The following PTPRN2 variants were observed in gnomAD, a reference collection of about 807,000 sequenced individuals.
PTPRN2 encodes the protein protein tyrosine phosphatase receptor type N2.
PTPRN2 carries 74 observed loss-of-function variants against 118.8 expected under a neutral mutation model. The ratio of observed to expected loss-of-function variants is 0.62; its 90% CI spans 0.52 to 0.76. PTPRN2 has a LOEUF of 0.76. Among genes scored for constraint, PTPRN2 ranks in the 30% least tolerant of loss-of-function variants. The probability of loss-of-function intolerance (pLI) is 0.00; values close to 1 mark genes in which losing one functional copy is unlikely to be tolerated. For missense variants in PTPRN2, 1,481 were observed against 1,394.4 expected (o/e 1.06, Z -0.99); for synonymous variants, 641 against 608.0 (o/e 1.05, Z -0.80).
At chr7:158,059,285 A>G (rs1355867733) in intron 11 of PTPRN2, among the ~76,000 whole-genome samples, 132 of 123,320 alleles carry the variant, frequency 1.1e-3, no homozygotes, top group South Asian at 3.8e-3. Flanking sequence ...ATCTGCACAC[A>G]GTGACACATC....
intron 9 of PTPRN2, among the ~76,000 whole-genome samples, chr7:158,130,701 AACAC>A (rs60270393): frequency 6.8e-6 from 1 of 147,988 alleles, no homozygotes; most frequent in East Asian, 2.0e-4. Context: ...ACATCTACCC[AACAC>A]ACACTCATAT....
chr7:158,211,428 C>T (rs1827594981), intron 3 of PTPRN2, among the ~76,000 whole-genome samples: 1 of 152,102 alleles, frequency 6.6e-6, no homozygotes, highest in Non-Finnish European at 1.5e-5. Context: ...GAGATACCCA[C>T]AGAATAGGAG....
At chr7:158,577,153 G>A (rs1828376226) in intron 1 of PTPRN2, among the ~76,000 whole-genome samples, 2 of 127,116 alleles carry the variant, frequency 1.6e-5, no homozygotes, top group African/African-American at 6.4e-5. Flanking sequence ...GACAGCATGG[G>A]GCCTGCACAA....
intron 5 of PTPRN2, among the ~76,000 whole-genome samples, chr7:158,189,824 C>T (rs891178627): frequency 6.6e-6 from 1 of 152,248 alleles, no homozygotes; most frequent in African/African-American, 2.4e-5. Flanking sequence ...CACAGCCCTT[C>T]TGATAAAGAC....
At chr7:158,164,603 A>T (rs62480770) in intron 6 of PTPRN2, among the ~76,000 whole-genome samples, 3,138 of 152,118 alleles carry the variant, frequency 0.021, 44 homozygotes, top group Middle Eastern at 0.044. Flanking sequence ...CTGTGAGCTC[A>T]CCCTCACCCG....
In PTPRN2 at chr7:158,526,480, G is replaced by A. The variant is rs914162115; in HGVS notation, c.113-36695C>T. On this transcript the variant is annotated intron_variant, in intron 1 of 22. Transcript: ENST00000389418. The surrounding 1 kb of genome is among the most constrained non-coding windows in gnomAD (Gnocchi z 5.2). ...CCGCTGGTCACGGCCTCGGAATTCC[G>A]ACATGCTGGACTGTGGCTTGGGAAA... Among the ~76,000 whole-genome samples the A allele has an allele frequency of 1.3e-5, 2 of 152,068 alleles. No homozygotes were observed. Among genetic ancestry groups the A allele is most frequent in the Non-Finnish European group, 2.9e-5 (2 of 68,028 alleles).
intron 5 of PTPRN2, among the ~76,000 whole-genome samples, chr7:158,176,738 T>TG (rs1217946176): frequency 5.3e-5 from 8 of 152,214 alleles, no homozygotes; most frequent in Non-Finnish European, 1.2e-4. Flanking sequence ...CACCATGCCC[T>TG]GGGGCCAATT....
intron 2 of PTPRN2, among the ~76,000 whole-genome samples, chr7:158,411,829 T>C (rs939569305): frequency 1.3e-5 from 2 of 152,132 alleles, no homozygotes; most frequent in African/African-American, 4.8e-5. Flanking sequence ...GGGCTGCTTC[T>C]CTGTGGCTCA....
intron 11 of PTPRN2, among the ~76,000 whole-genome samples, chr7:157,980,200 G>A (rs1803031256): frequency 6.6e-6 from 1 of 152,148 alleles, no homozygotes; most frequent in East Asian, 1.9e-4. Flanking sequence ...TGTTGATCAG[G>A]GTATTCATTT....
At chr7:158,329,457 G>T (rs778149879) in intron 2 of PTPRN2, among the ~76,000 whole-genome samples, 18 of 152,204 alleles carry the variant, frequency 1.2e-4, no homozygotes, top group Non-Finnish European at 2.4e-4. Context: ...ACGGCTGAGA[G>T]GCGAGGAGGT....
intron 5 of PTPRN2, among the ~76,000 whole-genome samples, chr7:158,190,186 A>G (rs975899513): frequency 1.3e-5 from 2 of 152,180 alleles, no homozygotes; most frequent in African/African-American, 4.8e-5. Flanking sequence ...CTCCAGGGCC[A>G]CTACCCCTGG....
chr7:158,340,024 A>C lies in PTPRN2; in HGVS notation c.164-23092T>G, dbSNP rs1338982420. ...TCACTCACACCCACACTCTCACTAT[A>C]AGAGGTGACATATGCAGACGTCACT... On this transcript the variant is annotated intron_variant, in intron 2 of 22. Transcript: ENST00000389418. 3.4e-4 allele frequency among the ~76,000 whole-genome samples: 27 copies of C among 79,620 alleles called. 3 individuals carry two copies. Among genetic ancestry groups the C allele is most frequent in the African/African-American group, 1.2e-3 (27 of 21,662 alleles). 52.2% of individuals were successfully genotyped at this position (79,620 alleles called of 152,430 possible).
At chr7:158,328,797 C>CCCG (rs1554460546) in intron 2 of PTPRN2, among the ~76,000 whole-genome samples, 18 of 147,320 alleles carry the variant, frequency 1.2e-4, no homozygotes, top group African/African-American at 4.1e-4. Flanking sequence ...CTCCATTCCC[C>CCCG]CCCCCCCGCC....
intron 11 of PTPRN2, among the ~76,000 whole-genome samples, chr7:157,934,766 C>T (rs942851499): frequency 6.6e-6 from 1 of 152,184 alleles, no homozygotes; most frequent in African/African-American, 2.4e-5. Flanking sequence ...TTCATCCTTC[C>T]TGTGGACCTG....
intron 1 of PTPRN2, among the ~76,000 whole-genome samples, chr7:158,494,249 C>T (rs1233380991): frequency 4.6e-5 from 7 of 152,240 alleles, no homozygotes; most frequent in Non-Finnish European, 7.3e-5. Context: ...CATCTCTGGG[C>T]GTCGCTGTGG....
At chr7:157,577,071 T>G (rs913550585) in intron 18 of PTPRN2, among the ~76,000 whole-genome samples, 1 of 152,222 alleles carries the variant, frequency 6.6e-6, no homozygotes, top group Non-Finnish European at 1.5e-5. Context: ...ACTTTCTGTC[T>G]TTTGCATGTC....
At chr7:158,108,138 T>G (rs1815836772) in intron 10 of PTPRN2, among the ~76,000 whole-genome samples, 1 of 151,460 alleles carries the variant, frequency 6.6e-6, no homozygotes. Flanking sequence ...CAGCCCTGAG[T>G]ACGTGACCCT....
chr7:157,730,131 T>A (rs972759411), intron 12 of PTPRN2, among the ~76,000 whole-genome samples: 1 of 152,104 alleles, frequency 6.6e-6, no homozygotes, highest in Non-Finnish European at 1.5e-5. Context: ...GCCTGGCAAT[T>A]CTGGGTTCTG....
At chr7:158,262,425 CAT>C (rs148396455) in intron 3 of PTPRN2, among the ~76,000 whole-genome samples, 5,629 of 137,914 alleles carry the variant, frequency 0.041, 131 homozygotes, top group East Asian at 0.11. Flanking sequence ...CATTCACACA[CAT>C]ACACACATTC....
Sources: gnomAD v4.1 joint callset for allele counts (sites outside exome capture counted in the v4.1 genomes callset) on GRCh38, gnomAD v4.1.1 for gene constraint, Gnocchi (gnomAD v3.1) non-coding constraint, MANE v1.5 for transcripts, NCBI Gene and HGNC (gene_info 2026-07-23, HGNC 2026-07-21) for gene names.